The following UGGT1 variants were observed in gnomAD, a reference collection of about 807,000 sequenced individuals.
UGGT1 encodes UDP-glucose glycoprotein glucosyltransferase 1.
UGGT1 carries 107 observed loss-of-function variants against 203.9 expected under a neutral mutation model. The ratio of observed to expected loss-of-function variants is 0.52; its 90% CI spans 0.45 to 0.62. UGGT1 has a LOEUF of 0.62. Ranked by LOEUF, UGGT1 falls within the 20% of genes least tolerant of loss-of-function variation. The pLI is 0.00. For synonymous variants in UGGT1, 628 were observed against 653.5 expected, an observed-to-expected ratio of 0.96 and a Z score of 0.59; for missense variants, 1,673 against 1,867.2, an observed-to-expected ratio of 0.90 and a Z score of 1.92.
Position 128,116,267 on chromosome 2 carries a change from A to G in UGGT1, c.796A>G (p.Thr266Ala), listed in dbSNP as rs772670280. 1 of 1,596,140 alleles carries G rather than the reference A, an allele frequency of 6.3e-7. No individual in the cohort carries two copies. Among genetic ancestry groups the G allele is most frequent in the African/African-American group, 1.3e-5 (1 of 74,662 alleles). ...ATGTATTTTCTATTCTTTCATAGGAACTGAGGTAAACACCACAGTGATTGG... is the reference window on the plus strand; with the variant it reads ...ATGTATTTTCTATTCTTTCATAGGAGCTGAGGTAAACACCACAGTGATTGG... ...KAKDDTQVKG[T>A]EVNTTVIGEN... is the part of the protein sequence containing the mutation. Residue 266 changes from threonine (T) to alanine (A), a missense_variant and splice_region_variant, in exon 8 of 41, where the codon ACT becomes GCT. This residue lies in a region of UGGT1 where 1,073 missense variants were observed against 1,078.7 expected (regional missense o/e 0.99). Transcript: ENST00000259253.
At chr2:128,127,160 T>C (rs948816582) in intron 11 of UGGT1, among the ~76,000 whole-genome samples, 1 of 152,188 alleles carries the variant, frequency 6.6e-6, no homozygotes, top group African/African-American at 2.4e-5. Context: ...ATTTTTGTGG[T>C]GTACAACATG....
chr2:128,184,818 A>C (rs1006212736), intron 38 of UGGT1, among the ~76,000 whole-genome samples: 2 of 152,064 alleles, frequency 1.3e-5, no homozygotes, highest in Non-Finnish European at 2.9e-5. Context: ...AGTAACTAGG[A>C]TTACAGGCAC....
rs1322166821 is a variant in UGGT1, at chr2:128,116,301, A to G, written c.830A>G (p.Asp277Gly). The change falls in exon 8 of 41, where the codon GAT (aspartate) becomes GGT (glycine). Residue 277 changes from aspartate to glycine, a missense_variant. Coordinates refer to ENST00000259253, the MANE Select transcript of UGGT1 (RefSeq NM_020120.4). ...AACACCACAGTGATTGGTGAAAATG[A>G]TCCTATTGATGAGGTTCAGGGGTTC... ...EVNTTVIGEN[D>G]PIDEVQGFLF... 1.2e-6 allele frequency: 2 copies of G among 1,611,902 alleles called. No homozygotes were observed. Among genetic ancestry groups the G allele is most frequent in the East Asian group, 4.5e-5 (2 of 44,854 alleles).
chr2:128,147,896 G>C (rs1489770627), intron 18 of UGGT1, among the ~76,000 whole-genome samples: 1 of 152,174 alleles, frequency 6.6e-6, no homozygotes, highest in African/African-American at 2.4e-5. Context: ...TGGGATTACA[G>C]GCATGAGCCA....
intron 34 of UGGT1, among the ~76,000 whole-genome samples, chr2:128,179,503 T>C (rs552712785): frequency 6.6e-6 from 1 of 152,358 alleles, no homozygotes; most frequent in East Asian, 1.9e-4. Context: ...TATCAGTTCA[T>C]GAAGCAGTTT....
rs2104852965 is a variant in UGGT1 at position 128,190,793 on chromosome 2, G to A, written c.*1051G>A. 1 of 152,398 alleles carries A rather than the reference G, an allele frequency of 6.6e-6. No homozygotes were observed. The allele number at this position is 152,398 out of a possible 1,614,324, so 9.4% of individuals were successfully genotyped here. A position where few individuals can be genotyped will look rare whatever the true frequency, so the allele number is the denominator to read the frequency against. Reference sequence around the variant, plus strand: ...CTTTTCTCTACAAATGCCCTCAGATGTAAGACCAGAAATGATTCTGCTTGT... The same window carrying A: ...CTTTTCTCTACAAATGCCCTCAGATATAAGACCAGAAATGATTCTGCTTGT... On this transcript the variant is annotated 3_prime_UTR_variant, in exon 41 of 41. Coordinates refer to ENST00000259253, the MANE Select transcript of UGGT1 (RefSeq NM_020120.4).
rs1688654666 is a variant in UGGT1, at chr2:128,127,359, A to G, written c.1135-2A>G. 2 of 1,604,194 alleles carry G rather than the reference A, an allele frequency of 1.2e-6. No homozygotes were observed. The highest frequency in any genetic ancestry group is 1.7e-6 in the Non-Finnish European group (2 of 1,174,306). On this transcript the variant is annotated splice_acceptor_variant, in intron 11 of 40. Transcript: ENST00000259253. LOFTEE classifies it high-confidence loss of function. ...TCCCTAATAATTATTAAAATTTTTC[A>G]GTATTTCAAGGGAACTTTAGGATTA...
intron 21 of UGGT1, among the ~76,000 whole-genome samples, chr2:128,156,988 A>C (rs1690268219): frequency 6.6e-6 from 1 of 152,250 alleles, no homozygotes; most frequent in African/African-American, 2.4e-5. Flanking sequence ...TTCATTTTAC[A>C]TGCTAACAGA....
intron 10 of UGGT1, among the ~76,000 whole-genome samples, chr2:128,122,083 C>T (rs780444325): frequency 4.6e-5 from 7 of 152,090 alleles, no homozygotes; most frequent in Non-Finnish European, 8.8e-5. Flanking sequence ...TTGTTTGGAC[C>T]GGGCTTGGTG....
intron 18 of UGGT1, among the ~76,000 whole-genome samples, chr2:128,151,735 G>C (rs150842404): frequency 6.6e-6 from 1 of 152,160 alleles, no homozygotes; most frequent in African/African-American, 2.4e-5. Flanking sequence ...GCTGGGTGTG[G>C]TGGCACATGC....
In UGGT1 at chr2:128,152,849, A is replaced by C; in HGVS notation, c.2082A>C (p.Arg694=). 1 of 1,614,018 alleles carries C rather than the reference A, an allele frequency of 6.2e-7. No individual in the cohort carries two copies. Among genetic ancestry groups the C allele is most frequent in the Non-Finnish European group, 8.5e-7 (1 of 1,179,984 alleles). Residue 694 remains arginine, a synonymous_variant, in exon 19 of 41, where the codon CGA becomes CGC. Transcript: ENST00000259253. ...TGAATCAGCCAAATGTTGTTCCACG[A>C]ATCAATTCTAGGATTTTGACAGCTG... is the stretch of plus-strand genomic sequence containing the variant. ...YIMNQPNVVP[R]INSRILTAER...
intron 26 of UGGT1, among the ~76,000 whole-genome samples, chr2:128,165,901 A>G (rs1258493037): frequency 1.3e-5 from 2 of 152,044 alleles, no homozygotes; most frequent in Non-Finnish European, 2.9e-5. Flanking sequence ...GGAAGAGACC[A>G]CAGGCGCTTG....
chr2:128,171,343 AT>A (rs1486022999), intron 28 of UGGT1, 59 bp downstream of exon 28: 3 of 1,455,038 alleles, frequency 2.1e-6, no homozygotes, highest in Non-Finnish European at 2.9e-6. Flanking sequence ...AAGTTCTGAT[AT>A]TGCATGTTAG....
intron 2 of UGGT1, 63 bp from the exon 3 acceptor site, chr2:128,103,869 T>C: frequency 2.5e-6 from 3 of 1,221,782 alleles, no homozygotes; most frequent in Admixed American, 2.4e-5. Context: ...TTACTCTCTT[T>C]AGTAATATAG....
chr2:128,172,705 C>T lies in UGGT1; in HGVS notation c.3237C>T (p.Ser1079=), dbSNP rs936420048. Residue 1079 remains serine, a synonymous_variant, in exon 29 of 41, where the codon AGC becomes AGT. Coordinates refer to ENST00000259253, the MANE Select transcript of UGGT1 (RefSeq NM_020120.4). ...CTCTGAATTTGAACACACCTGAGAG[C>T]TGGATGGTAGAATCTGTCAGAACAC... The part of the protein sequence containing the change: ...LFTLNLNTPE[S]WMVESVRTPY... The T allele has an allele frequency of 6.2e-7, 1 of 1,613,998 alleles. No homozygotes were observed. The highest frequency in any genetic ancestry group is 8.5e-7 in the Non-Finnish European group (1 of 1,180,026).
chr2:128,160,094 A>AT (rs936187580), intron 23 of UGGT1, among the ~76,000 whole-genome samples: 1 of 151,960 alleles, frequency 6.6e-6, no homozygotes, highest in Non-Finnish European at 1.5e-5. Context: ...TATGTTACTT[A>AT]TTTTTTTGAC....
chr2:128,167,275 T>G (rs937095230), intron 26 of UGGT1, among the ~76,000 whole-genome samples: 1 of 152,232 alleles, frequency 6.6e-6, no homozygotes, highest in Non-Finnish European at 1.5e-5. Context: ...CCATGTTTTG[T>G]ATAATTAAAA....
chr2:128,136,376 T>C (rs554846512), intron 15 of UGGT1, among the ~76,000 whole-genome samples: 24 of 152,344 alleles, frequency 1.6e-4, no homozygotes, highest in Non-Finnish European at 3.2e-4. Flanking sequence ...TATCTCTTCC[T>C]CCCTTCCCCT....
intron 20 of UGGT1, 64 bp from the exon 21 acceptor site, chr2:128,156,328 A>T: frequency 7.9e-7 from 1 of 1,264,776 alleles, no homozygotes; most frequent in Non-Finnish European, 1.2e-6. Context: ...TTCAATTTTT[A>T]CAGTAGGCAT....
Sources: allele counts gnomAD v4.1 joint callset (sites outside exome capture counted in the v4.1 genomes callset), GRCh38; gene constraint gnomAD v4.1.1; regional missense constraint gnomAD v4.1.1; transcripts MANE v1.5; gene names NCBI Gene and HGNC (gene_info 2026-07-23, HGNC 2026-07-21).